AGAP1: variants seen among roughly 807,000 people sequenced by gnomAD.
AGAP1 encodes ArfGAP with GTPase domain, ankyrin repeat and PH domain 1, also known as arf-GAP with GTPase, ANK repeat and PH domain-containing protein 1.
AGAP1 carries 29 observed loss-of-function variants against 105.3 expected under a neutral mutation model. The ratio of observed to expected loss-of-function variants is 0.28; its 90% confidence interval spans 0.21 to 0.38. The LOEUF is 0.38. Ranked by LOEUF, AGAP1 falls within the 10% of genes least tolerant of loss-of-function variation. The pLI, the probability that AGAP1 is intolerant of heterozygous loss-of-function variation, is 1.00. For synonymous variants in AGAP1, 509 were observed against 485.9 expected, an observed-to-expected ratio of 1.05 and a Z score of -0.63; for missense variants, 998 against 1,165.1, an observed-to-expected ratio of 0.86 and a Z score of 2.09.
intron 13 of AGAP1, among the ~76,000 whole-genome samples, chr2:236,007,206 T>A (rs2056350956): frequency 6.6e-6 from 1 of 152,248 alleles, no homozygotes; most frequent in Admixed American, 6.5e-5. Context: ...ATGGTTTTCA[T>A]GATGATTTCT....
intron 13 of AGAP1, among the ~76,000 whole-genome samples, chr2:236,024,018 GT>G (rs1338292838): frequency 1.1e-4 from 9 of 84,456 alleles, no homozygotes; most frequent in African/African-American, 1.3e-4. Flanking sequence ...TTTGTGGTTG[GT>G]TGTTTTTTTT....
rs534477837 is a variant in AGAP1, at chr2:235,642,536, C to T, written c.164-66643C>T. Among the ~76,000 whole-genome samples, 3 of 152,302 alleles carry T rather than the reference C, an allele frequency of 2.0e-5. No individual in the cohort carries two copies. Among genetic ancestry groups the T allele is most frequent in the East Asian group, 1.9e-4 (1 of 5,166 alleles). Reference sequence around the variant, plus strand: ...TCATGCCTGGACTTGTCTTCTCCACCTTCCACTTGTCCTAACAGCTGTCGG... The same window carrying T: ...TCATGCCTGGACTTGTCTTCTCCACTTTCCACTTGTCCTAACAGCTGTCGG... On this transcript the variant is annotated intron_variant, in intron 1 of 17. Transcript: ENST00000304032. This position sits in a 1 kb window ranked among gnomAD's most constrained non-coding sequence, Gnocchi z 4.1.
At chr2:235,502,524 C>G (rs1485385262) in intron 1 of AGAP1, among the ~76,000 whole-genome samples, 2 of 152,002 alleles carry the variant, frequency 1.3e-5, no homozygotes, top group Non-Finnish European at 2.9e-5. Flanking sequence ...TTTGTTTAAC[C>G]AGGGGCTCAT....
chr2:235,738,559 C>CTT (rs1289839563), intron 3 of AGAP1, among the ~76,000 whole-genome samples: 34 of 150,468 alleles, frequency 2.3e-4, no homozygotes, highest in African/African-American at 8.1e-4. Flanking sequence ...TTCTTTCTTT[C>CTT]TTTCTTTTTT....
chr2:235,761,251 T>C (rs1954413871), intron 6 of AGAP1, among the ~76,000 whole-genome samples: 1 of 152,208 alleles, frequency 6.6e-6, no homozygotes, highest in South Asian at 2.1e-4. Context: ...TTTCTTACCC[T>C]AAGTCTGGGA....
At chr2:236,102,641 A>G (rs1309462518) in intron 16 of AGAP1, among the ~76,000 whole-genome samples, 1 of 151,842 alleles carries the variant, frequency 6.6e-6, no homozygotes, top group Non-Finnish European at 1.5e-5. Context: ...AGAATAATAA[A>G]GGTGCCTGTG....
intron 12 of AGAP1, among the ~76,000 whole-genome samples, chr2:235,948,023 GCC>G (rs1197336045): frequency 6.6e-6 from 1 of 152,010 alleles, no homozygotes; most frequent in Non-Finnish European, 1.5e-5. Context: ...CTCCCTGTGT[GCC>G]CACCTGAATG....
chr2:235,634,021 C>A (rs1350620629), intron 1 of AGAP1, among the ~76,000 whole-genome samples: 1 of 152,110 alleles, frequency 6.6e-6, no homozygotes, highest in South Asian at 2.1e-4. Context: ...CCAGCAAGCC[C>A]CCCGCCGCAG....
At position 236,049,403 on chromosome 2, in the gene AGAP1, C is replaced by T. The variant is rs115862146; in HGVS notation, c.2114+122C>T. 508 of 843,902 alleles carry T rather than the reference C, an allele frequency of 6.0e-4. 4 individuals carry two copies. The African/African-American group carries it at 7.2e-3, about 12-fold the overall frequency. The allele number at this position is 843,902 out of a possible 1,614,324, so 52.3% of individuals were successfully genotyped here. On this transcript the variant is annotated intron_variant, in intron 16 of 17. Transcript: ENST00000304032. ...ATAACCTGTAGGAATTCGGGAATTC[C>T]GATTCATCCGGCATAGGAATGTCTG...
At chr2:235,794,397 CAG>C (rs1476349260) in intron 6 of AGAP1, among the ~76,000 whole-genome samples, 1 of 152,144 alleles carries the variant, frequency 6.6e-6, no homozygotes, top group African/African-American at 2.4e-5. Flanking sequence ...GCTCATGTGA[CAG>C]AGTCATAGGG....
chr2:235,860,822 T>C (rs2048898401), intron 9 of AGAP1, among the ~76,000 whole-genome samples: 3 of 152,212 alleles, frequency 2.0e-5, no homozygotes, highest in Admixed American at 2.0e-4. Context: ...TTAGCATGTA[T>C]AAAAATAAAT....
intron 1 of AGAP1, among the ~76,000 whole-genome samples, chr2:235,629,312 GTGTGTGTA>G (rs1339145814): frequency 2.0e-4 from 24 of 120,294 alleles, no homozygotes; most frequent in Non-Finnish European, 3.4e-4. Context: ...GTGTGTGTGT[GTGTGTGTA>G]TGTGTATACA....
chr2:235,702,164 G>A (rs568583661), intron 1 of AGAP1, among the ~76,000 whole-genome samples: 9 of 152,264 alleles, frequency 5.9e-5, no homozygotes, highest in East Asian at 3.9e-4. Flanking sequence ...GGGGGTGAAC[G>A]TGACACGGGA....
chr2:235,541,450 C>T (rs1183323453), intron 1 of AGAP1, among the ~76,000 whole-genome samples: 3 of 138,816 alleles, frequency 2.2e-5, no homozygotes, highest in African/African-American at 5.5e-5. Flanking sequence ...TGCAGTGGCG[C>T]GATCTCGGCT....
Position 235,740,843 on chromosome 2 carries a change from A to T in AGAP1, c.311-120A>T. Reference sequence around the variant, plus strand: ...AGCATTTGCTGGCAACATCCTAAATACTCAGTTGCCTCCAGGGCGACAGCC... The same window carrying T: ...AGCATTTGCTGGCAACATCCTAAATTCTCAGTTGCCTCCAGGGCGACAGCC... On this transcript the variant is annotated intron_variant, in intron 3 of 17. Transcript: ENST00000304032. This position sits in a 1 kb window ranked among gnomAD's most constrained non-coding sequence, Gnocchi z 5.7. 2 of 1,111,516 alleles carry T rather than the reference A, an allele frequency of 1.8e-6. No individual in the cohort carries two copies. The highest frequency in any genetic ancestry group is 1.6e-5 in the South Asian group (1 of 63,080). The allele number at this position is 1,111,516 out of a possible 1,614,324, so 68.9% of individuals were successfully genotyped here.
chr2:236,041,823 G>T (rs2057557529), intron 15 of AGAP1, among the ~76,000 whole-genome samples: 1 of 152,190 alleles, frequency 6.6e-6, no homozygotes, highest in Non-Finnish European at 1.5e-5. Context: ...TAAGCGCTGG[G>T]GAGAGCCATC....
rs201223761 is a variant in AGAP1 at position 235,599,586 on chromosome 2, G to GAACTGCGCAA, written c.163+104744_163+104745insCAAAACTGCG. On this transcript the variant is annotated intron_variant, in intron 1 of 17. Coordinates refer to ENST00000304032, the MANE Select transcript of AGAP1 (RefSeq NM_001037131.3). This position sits in a 1 kb window ranked among gnomAD's most constrained non-coding sequence, Gnocchi z 5.3. The stretch of plus-strand genomic sequence containing the variant: ...TCCAGAATGGTCACTCTGCTTTGGA[G>GAACTGCGCAA]AACTGCGGATCCCCTGCCATGGCCC... Among the ~76,000 whole-genome samples, 1,130 of 152,244 alleles carry GAACTGCGCAA rather than the reference G, an allele frequency of 7.4e-3. 13 individuals carry two copies. The highest frequency in any genetic ancestry group is 0.026 in the African/African-American group (1,081 of 41,526).
intron 13 of AGAP1, among the ~76,000 whole-genome samples, chr2:235,984,713 T>C (rs533125412): frequency 2.3e-4 from 35 of 152,270 alleles, no homozygotes; most frequent in African/African-American, 8.4e-4. Flanking sequence ...TTTGACTTTC[T>C]GTTCCTGTGT....
Position 235,497,596 on chromosome 2 carries a change from G to T in AGAP1, c.163+2747G>T, listed in dbSNP as rs144601282. Among the ~76,000 whole-genome samples the T allele has an allele frequency of 4.2e-3, 641 of 152,202 alleles. 2 individuals are homozygous for T. The highest frequency in any genetic ancestry group is 5.1e-3 in the Non-Finnish European group (346 of 67,972). ...AAGCTTCTGGACTACCGTGATGTGG[G>T]CACTTCTTTTTTTGTTTTGAGACGG... On this transcript the variant is annotated intron_variant, in intron 1 of 17. Coordinates refer to ENST00000304032, the MANE Select transcript of AGAP1 (RefSeq NM_001037131.3).
Sources: allele counts gnomAD v4.1 joint callset (sites outside exome capture counted in the v4.1 genomes callset), GRCh38; gene constraint gnomAD v4.1.1; non-coding constraint Gnocchi (gnomAD v3.1); transcripts MANE v1.5; gene names NCBI Gene and HGNC (gene_info 2026-07-23, HGNC 2026-07-21).